Variants in MDGA1 observed in about 807,000 individuals in gnomAD.
MDGA1 encodes the protein MAM domain containing glycosylphosphatidylinositol anchor 1, also known as MAM domain-containing glycosylphosphatidylinositol anchor protein 1.
Under a neutral mutation model 101.5 loss-of-function variants are expected in MDGA1, and 54 were observed. The ratio of observed to expected loss-of-function variants is 0.53; its 90% CI spans 0.43 to 0.67. The LOEUF is 0.67. Ranked by LOEUF, MDGA1 falls within the 30% of genes least tolerant of loss-of-function variation. The pLI is 0.00. For missense variants in MDGA1, 1,083 were observed against 1,323.8 expected, an observed-to-expected ratio of 0.82 and a Z score of 2.82; for synonymous variants, 533 against 558.3, an observed-to-expected ratio of 0.95 and a Z score of 0.64.
intron 1 of MDGA1, among the ~76,000 whole-genome samples, chr6:37,692,822 C>T (rs971277962): frequency 6.6e-6 from 1 of 152,216 alleles, no homozygotes; most frequent in South Asian, 2.1e-4. Context: ...TGCCCACCCC[C>T]TCAAGGATGC....
In MDGA1 at chr6:37,655,107, A is replaced by G. The variant is rs887824085; in HGVS notation, c.580-175T>C. ...GGGTCCTGAGCCTGGGGTGGATGCTACACTCTCCATAGCCTTGGCAGTGCC... is the reference window on the plus strand; with the variant it reads ...GGGTCCTGAGCCTGGGGTGGATGCTGCACTCTCCATAGCCTTGGCAGTGCC... On this transcript the variant is annotated intron_variant, in intron 4 of 16. Transcript: ENST00000434837. The surrounding 1 kb of genome is among the most constrained non-coding windows in gnomAD (Gnocchi z 5.1). The G allele has an allele frequency of 1.4e-6, 1 of 727,888 alleles. No homozygotes were observed. Among genetic ancestry groups the G allele is most frequent in the Non-Finnish European group, 2.2e-6 (1 of 451,400 alleles). 45.1% of individuals were successfully genotyped at this position (727,888 alleles called of 1,614,324 possible).
chr6:37,671,408 T>C (rs534217912), intron 1 of MDGA1, among the ~76,000 whole-genome samples: 1 of 152,244 alleles, frequency 6.6e-6, no homozygotes, highest in South Asian at 2.1e-4. Flanking sequence ...AAAAGCTTAA[T>C]ACAAAACTGA....
chr6:37,654,767 A>G (rs1561847300), intron 5 of MDGA1, 33 bp downstream of exon 5: 1 of 1,612,604 alleles, frequency 6.2e-7, no homozygotes, highest in East Asian at 2.2e-5. Context: ...TAGCTCAGGT[A>G]GGGAAGGAGT....
At chr6:37,649,944 C>A (rs1561844446) in intron 8 of MDGA1, 165 bp downstream of exon 8, 2 of 790,718 alleles carry the variant, frequency 2.5e-6, no homozygotes, top group Middle Eastern at 2.2e-4. Context: ...AGAACACAGA[C>A]CTCCGTGTCC....
Position 37,696,881 on chromosome 6 carries a change from G to A in MDGA1, c.-70C>T. On this transcript the variant is annotated 5_prime_UTR_variant, in exon 1 of 17. Transcript: ENST00000434837. The surrounding 1 kb of genome is among the most constrained non-coding windows in gnomAD (Gnocchi z 5.6). ...AGGCGGCGGGGGGCGCATTCGCCGG[G>A]GCCCCGCGACGCCCCTATGTCCCCC... 1 of 1,381,660 alleles carries A rather than the reference G, an allele frequency of 7.2e-7. No homozygotes were observed. Among genetic ancestry groups the A allele is most frequent in the Non-Finnish European group, 1.0e-6 (1 of 994,544 alleles). 85.6% of individuals were successfully genotyped at this position (1,381,660 alleles called of 1,614,324 possible). A position where few individuals can be genotyped will look rare whatever the true frequency, so the allele number is the denominator to read the frequency against.
At chr6:37,681,329 C>T (rs973513735) in intron 1 of MDGA1, among the ~76,000 whole-genome samples, 6 of 152,258 alleles carry the variant, frequency 3.9e-5, no homozygotes, top group South Asian at 2.1e-4. Context: ...CCCTGCCCCC[C>T]CTCTTCAGGT....
At chr6:37,661,596 C>A (rs2114046671) in intron 2 of MDGA1, among the ~76,000 whole-genome samples, 1 of 152,268 alleles carries the variant, frequency 6.6e-6, no homozygotes. Flanking sequence ...AGGCAAGCAA[C>A]TTTGGCTAAA....
chr6:37,668,248 C>T (rs1156392731), intron 1 of MDGA1, among the ~76,000 whole-genome samples: 1 of 95,738 alleles, frequency 1.0e-5, no homozygotes, highest in South Asian at 3.6e-4. Context: ...GAGATTCTGT[C>T]TAAAAAAAAA....
At chr6:37,674,432 C>G (rs1761935327) in intron 1 of MDGA1, among the ~76,000 whole-genome samples, 1 of 152,228 alleles carries the variant, frequency 6.6e-6, no homozygotes, top group African/African-American at 2.4e-5. Context: ...ACTGTGGCGC[C>G]TGGAGCTTCT....
chr6:37,684,517 G>A (rs901352926), intron 1 of MDGA1, among the ~76,000 whole-genome samples: 6 of 152,230 alleles, frequency 3.9e-5, no homozygotes, highest in Admixed American at 3.9e-4. Context: ...AAGCCTGGGA[G>A]GTGACACAGG....
At chr6:37,641,050 G>T (rs570146460) in intron 14 of MDGA1, among the ~76,000 whole-genome samples, 1 of 152,260 alleles carries the variant, frequency 6.6e-6, no homozygotes, top group Admixed American at 6.5e-5. Flanking sequence ...TGCCATGGGG[G>T]ACAGGGTGTT....
Position 37,654,364 on chromosome 6 carries a change from C to G in MDGA1, c.892G>C (p.Val298Leu). The change falls in exon 6 of 17, where the codon GTG becomes CTG. Residue 298 changes from valine (V) to leucine (L), a missense_variant. By Grantham distance (32) the Val-to-Leu change is conservative. Around this residue, in one of 3 missense-constraint regions of MDGA1, gnomAD observed 116 missense variants for 196.6 expected, o/e 0.59. Transcript: ENST00000434837. ...TAGTAGCCAGAGTCCCGGGCCTGCA[C>G]TGAAGGGATGCTGAGGGTGCCACCC... ...AQGGTLSIPS[V>L]QARDSGYYNC... 6.2e-7 allele frequency: 1 copy of G among 1,613,008 alleles called. No individual in the cohort carries two copies. Among genetic ancestry groups the G allele is most frequent in the Non-Finnish European group, 8.5e-7 (1 of 1,179,420 alleles).
In MDGA1 at chr6:37,644,726, C is replaced by G. The variant is rs1047191205; in HGVS notation, c.2249-77G>C. The G allele has an allele frequency of 1.2e-5, 17 of 1,363,120 alleles. No individual in the cohort carries two copies. The African/African-American group carries it at 2.1e-4, about 17-fold the overall frequency. The allele number at this position is 1,363,120 out of a possible 1,614,324, so 84.4% of individuals were successfully genotyped here. ...GGCCCAGCCTCGCCCCTCTCACCCC[C>G]CAGAGGCAGCTCCCATGCATCCAAG... On this transcript the variant is annotated intron_variant, in intron 12 of 16. Transcript: ENST00000434837.
At chr6:37,644,223 C>A (rs114008675) in intron 13 of MDGA1, among the ~76,000 whole-genome samples, 35 of 152,236 alleles carry the variant, frequency 2.3e-4, no homozygotes, top group Middle Eastern at 6.8e-3. Flanking sequence ...GAGTCCTTGG[C>A]TCTACTGTAA....
chr6:37,694,772 A>G (rs976707724), intron 1 of MDGA1, among the ~76,000 whole-genome samples: 3 of 152,286 alleles, frequency 2.0e-5, no homozygotes, highest in Admixed American at 2.0e-4. Context: ...CAAGCTCTCA[A>G]AGGAAAAGTG....
intron 1 of MDGA1, among the ~76,000 whole-genome samples, chr6:37,690,713 G>A (rs894825144): frequency 2.0e-5 from 3 of 149,796 alleles, no homozygotes; most frequent in Non-Finnish European, 4.4e-5. Context: ...GGAGGCAAAG[G>A]TTGCGGTGAG....
intron 1 of MDGA1, among the ~76,000 whole-genome samples, chr6:37,668,307 C>G (rs1057123776): frequency 6.6e-6 from 1 of 151,428 alleles, no homozygotes; most frequent in African/African-American, 2.4e-5. Flanking sequence ...TTAAGACACC[C>G]AACTCTAAAA....
In MDGA1 at chr6:37,654,314, C is replaced by A. The variant is rs1415529046; in HGVS notation, c.942G>T (p.Val314=). Residue 314 remains valine (V), a synonymous_variant, in exon 6 of 17, where the codon GTG becomes GTT. Coordinates refer to ENST00000434837, the MANE Select transcript of MDGA1 (RefSeq NM_153487.4). ...TGACAGTCTTCTTGGCAGGGTTGCC[C>A]ACATTGTTGGTGGCTGTGCAGTTGT... is the stretch of plus-strand genomic sequence containing the variant. ...GYYNCTATNN[V]GNPAKKTVNL... 2 of 1,584,570 alleles carry A rather than the reference C, an allele frequency of 1.3e-6. No individual in the cohort carries two copies. Among genetic ancestry groups the A allele is most frequent in the Non-Finnish European group, 8.6e-7 (1 of 1,164,202 alleles).
rs537366007 is a variant in MDGA1, at chr6:37,685,072, C to T, written c.67+11673G>A. Among the ~76,000 whole-genome samples the T allele has an allele frequency of 9.4e-4, 143 of 152,184 alleles. 3 individuals carry two copies. The highest frequency in any genetic ancestry group is 3.3e-3 in the African/African-American group (135 of 41,506). ...ATCTGAGCACTTTGGGAGGCCGAGG[C>T]GGGCAGATTGCTTGAGCCCAGGAAT... On this transcript the variant is annotated intron_variant, in intron 1 of 16. Transcript: ENST00000434837.
Sources: allele counts gnomAD v4.1 joint callset (sites outside exome capture counted in the v4.1 genomes callset), GRCh38; gene constraint gnomAD v4.1.1; regional missense constraint gnomAD v4.1.1; non-coding constraint Gnocchi (gnomAD v3.1); transcripts MANE v1.5; gene names NCBI Gene and HGNC (gene_info 2026-07-23, HGNC 2026-07-21).